Variants in TTLL5 observed in about 807,000 individuals in gnomAD.
TTLL5 encodes tubulin tyrosine ligase like 5.
TTLL5 carries 132 observed loss-of-function variants against 168.4 expected under a neutral mutation model. That is an observed-to-expected ratio of 0.78 (90% CI 0.68 to 0.91). The LOEUF is 0.91. Among genes scored for constraint, TTLL5 ranks in the 40% least tolerant of loss-of-function variants. TTLL5 has a pLI of 0.00. For missense variants in TTLL5, 1,545 were observed against 1,581.5 expected (o/e 0.98, Z 0.39); for synonymous variants, 546 against 558.6 (o/e 0.98, Z 0.32).
chr14:75,726,615 T>A (rs998321406), intron 12 of TTLL5, among the ~76,000 whole-genome samples: 2 of 152,136 alleles, frequency 1.3e-5, no homozygotes, highest in Non-Finnish European at 2.9e-5. Flanking sequence ...GCCTAGGGGA[T>A]CCACAGAAAG....
chr14:75,776,788 TGAGGAAGAA>T lies in TTLL5; in HGVS notation c.2334_2342del (p.Glu778_Glu780del), dbSNP rs1251545673. ...CTGAAAAGAAATCAAAGAAGAAAGT[TGAGGAAGAA>T]GAGGAAGATGGGGTGAATATGGAAA... On this transcript the variant is annotated inframe_deletion, in exon 23 of 32. Transcript: ENST00000298832. The T allele has an allele frequency of 3.1e-6, 5 of 1,613,668 alleles. No homozygotes were observed. The East Asian group carries it at 1.1e-4, about 36-fold the overall frequency.
intron 31 of TTLL5, among the ~76,000 whole-genome samples, chr14:75,918,557 C>T (rs547332829): frequency 2.0e-5 from 3 of 152,022 alleles, no homozygotes; most frequent in East Asian, 3.9e-4. Context: ...TGAGAGCCCT[C>T]ATGTTTCTGG....
chr14:75,877,081 T>C (rs2031535276), intron 29 of TTLL5, among the ~76,000 whole-genome samples: 2 of 152,212 alleles, frequency 1.3e-5, no homozygotes, highest in South Asian at 4.1e-4. Context: ...AATGTTTGCT[T>C]GTCTTAAATT....
chr14:75,796,319 C>G (rs1453752766), intron 27 of TTLL5, among the ~76,000 whole-genome samples: 1 of 152,098 alleles, frequency 6.6e-6, no homozygotes, highest in East Asian at 1.9e-4. Flanking sequence ...TAGATTCTGG[C>G]TATTAGTCCT....
intron 27 of TTLL5, among the ~76,000 whole-genome samples, chr14:75,802,580 G>A (rs1056778454): frequency 1.3e-5 from 2 of 152,154 alleles, no homozygotes; most frequent in African/African-American, 4.8e-5. Flanking sequence ...ATTTCATTGT[G>A]TTTGTGTGTG....
intron 30 of TTLL5, among the ~76,000 whole-genome samples, chr14:75,888,791 T>G (rs1331791468): frequency 6.6e-6 from 1 of 151,910 alleles, no homozygotes; most frequent in Non-Finnish European, 1.5e-5. Context: ...AAAAATTAGC[T>G]GGGCATGGTG....
At chr14:75,664,157 A>C (rs889215428) in intron 2 of TTLL5, among the ~76,000 whole-genome samples, 1 of 151,996 alleles carries the variant, frequency 6.6e-6, no homozygotes, top group African/African-American at 2.4e-5. Flanking sequence ...TCTCATCTAT[A>C]TCTTATATCT....
rs367743755 is a variant in TTLL5 at position 75,816,404 on chromosome 14, C to CT, written c.3172-3602dup. ...CACTGCACTCCAACAGAGTGAGACT[C>CT]TGTCTCCAAACAAGAAAATAAAACC... On this transcript the variant is annotated intron_variant, in intron 27 of 31. Transcript: ENST00000298832. Among the ~76,000 whole-genome samples, 643 of 152,262 alleles carry CT rather than the reference C, an allele frequency of 4.2e-3. 8 individuals are homozygous for CT. Among genetic ancestry groups the CT allele is most frequent in the African/African-American group, 0.015 (605 of 41,562 alleles).
intron 31 of TTLL5, chr14:75,906,702 T>G (rs974331181): frequency 4.4e-5 from 43 of 985,658 alleles, no homozygotes; most frequent in Non-Finnish European, 5.1e-5. Context: ...AAGAGCATAT[T>G]TTTATCATTT....
In TTLL5 at chr14:75,783,101, T is replaced by C. The variant is rs766774540; in HGVS notation, c.2603-46T>C. 7 of 1,507,042 alleles carry C rather than the reference T, an allele frequency of 4.6e-6. No homozygotes were observed. In the Admixed American group the frequency reaches 1.4e-4, roughly 30 times the overall value. The allele number at this position is 1,507,042 out of a possible 1,614,324, so 93.4% of individuals were successfully genotyped here. A position where few individuals can be genotyped will look rare whatever the true frequency, so the allele number is the denominator to read the frequency against. On this transcript the variant is annotated intron_variant, in intron 25 of 31. Coordinates refer to ENST00000298832, the MANE Select transcript of TTLL5 (RefSeq NM_015072.5). ...ATATTTGTTTTATAGAGATTGTATG[T>C]TTGTTTTTCCTATAATGATGTCTTG...
intron 2 of TTLL5, among the ~76,000 whole-genome samples, chr14:75,668,791 A>C (rs994628264): frequency 2.0e-5 from 3 of 152,184 alleles, no homozygotes; most frequent in Non-Finnish European, 4.4e-5. Context: ...GGAGTATGTA[A>C]ATTATTGTGA....
chr14:75,912,954 C>T (rs542743614), intron 31 of TTLL5, among the ~76,000 whole-genome samples: 2 of 152,226 alleles, frequency 1.3e-5, no homozygotes, highest in East Asian at 3.9e-4. Flanking sequence ...TCTTCGTAAT[C>T]CAAGGGTAAG....
chr14:75,882,783 G>A lies in TTLL5; in HGVS notation c.3621G>A (p.Lys1207=), dbSNP rs973229815. The change falls in exon 30 of 32, where the codon AAG becomes AAA. Residue 1207 remains lysine (K), a synonymous_variant. Coordinates refer to ENST00000298832, the MANE Select transcript of TTLL5 (RefSeq NM_015072.5). ...RISSATASGQ[K]PTTLPQKVVP... is the part of the protein sequence containing the mutation. Reference sequence around the variant, plus strand: ...CCAGTGCCACAGCTAGTGGCCAGAAGCCAACCACTCTGCCACAAAAAGTGG... The same window carrying A: ...CCAGTGCCACAGCTAGTGGCCAGAAACCAACCACTCTGCCACAAAAAGTGG... 3.1e-6 allele frequency: 5 copies of A among 1,614,028 alleles called. No individual in the cohort carries two copies. The highest frequency in any genetic ancestry group is 4.2e-6 in the Non-Finnish European group (5 of 1,179,994).
chr14:75,663,620 T>A (rs1285424070), intron 2 of TTLL5, among the ~76,000 whole-genome samples: 1 of 152,216 alleles, frequency 6.6e-6, no homozygotes, highest in Admixed American at 6.5e-5. Context: ...CTCAAAAGCC[T>A]TTACAATGAT....
At chr14:75,776,882 C>G in intron 23 of TTLL5, 32 bp downstream of exon 23, 2 of 1,523,058 alleles carry the variant, frequency 1.3e-6, no homozygotes, top group Non-Finnish European at 1.8e-6. Flanking sequence ...TAAAAGCTGT[C>G]TTATTCCATC....
chr14:75,798,067 C>CTAGA (rs1893088245), intron 27 of TTLL5, among the ~76,000 whole-genome samples: 2 of 152,090 alleles, frequency 1.3e-5, no homozygotes, highest in African/African-American at 4.8e-5. Flanking sequence ...GTGAATCCAT[C>CTAGA]TGGTCCTGGA....
At chr14:75,949,428 A>G (rs1469242914) in intron 31 of TTLL5, among the ~76,000 whole-genome samples, 1 of 146,980 alleles carries the variant, frequency 6.8e-6, no homozygotes, top group East Asian at 2.0e-4. Context: ...GAGTATATAT[A>G]TATTCTATAT....
At chr14:75,693,521 G>A (rs1215962046) in intron 6 of TTLL5, among the ~76,000 whole-genome samples, 1 of 152,232 alleles carries the variant, frequency 6.6e-6, no homozygotes, top group Non-Finnish European at 1.5e-5. Context: ...TAATTTGAGT[G>A]TAGTGGTTGG....
chr14:75,940,544 ATAGAAT>A (rs931524921), intron 31 of TTLL5, among the ~76,000 whole-genome samples: 35 of 152,340 alleles, frequency 2.3e-4, no homozygotes, highest in East Asian at 5.8e-4. Flanking sequence ...TAGATACATC[ATAGAAT>A]TAGATCCCAA....
Sources: allele counts gnomAD v4.1 joint callset (sites outside exome capture counted in the v4.1 genomes callset), GRCh38; gene constraint gnomAD v4.1.1; transcripts MANE v1.5; gene names NCBI Gene and HGNC (gene_info 2026-07-23, HGNC 2026-07-21).